MTHFD2L: variants seen among roughly 807,000 people sequenced by gnomAD.
MTHFD2L encodes the protein methylenetetrahydrofolate dehydrogenase (NADP+ dependent) 2 like.
In MTHFD2L, 29 loss-of-function variants were observed where a neutral mutation model predicts 34.9. That is an observed-to-expected ratio of 0.83 (90% CI 0.62 to 1.13). The LOEUF is 1.13. Ranked by LOEUF, MTHFD2L falls within the 50% of genes most tolerant of loss-of-function variation. The pLI, the probability that MTHFD2L is intolerant of heterozygous loss-of-function variation, is 0.00. For missense variants in MTHFD2L, 481 were observed against 446.5 expected (o/e 1.08, Z -0.70); for synonymous variants, 167 against 155.7 (o/e 1.07, Z -0.54).
intron 5 of MTHFD2L, among the ~76,000 whole-genome samples, chr4:74,202,891 C>T (rs1734685448): frequency 6.6e-6 from 1 of 152,094 alleles, no homozygotes; most frequent in African/African-American, 2.4e-5. Context: ...CACATGCATG[C>T]ACACACACAG....
intron 6 of MTHFD2L, among the ~76,000 whole-genome samples, chr4:74,241,368 A>AT (rs1211677729): frequency 6.6e-6 from 1 of 151,966 alleles, no homozygotes; most frequent in Non-Finnish European, 1.5e-5. Flanking sequence ...GTGCAGATCC[A>AT]TTTTTCCCCA....
chr4:74,226,211 A>G (rs1578535391), intron 6 of MTHFD2L, among the ~76,000 whole-genome samples: 1 of 152,128 alleles, frequency 6.6e-6, no homozygotes, highest in African/African-American at 2.4e-5. Context: ...TCCCCTTTCA[A>G]CATTATCAAA....
At chr4:74,281,070 T>C (rs192680760) in intron 6 of MTHFD2L, among the ~76,000 whole-genome samples, 8 of 151,688 alleles carry the variant, frequency 5.3e-5, no homozygotes, top group Non-Finnish European at 1.5e-5. Context: ...TGTGCTCCAC[T>C]CCACCACACC....
chr4:74,169,141 C>T (rs1251636586), intron 1 of MTHFD2L, among the ~76,000 whole-genome samples: 3 of 152,234 alleles, frequency 2.0e-5, no homozygotes, highest in Non-Finnish European at 4.4e-5. Context: ...TAAACACCAG[C>T]TAGCCAGGCT....
At chr4:74,283,293 T>C (rs1019744267) in intron 7 of MTHFD2L, among the ~76,000 whole-genome samples, 1 of 152,184 alleles carries the variant, frequency 6.6e-6, no homozygotes, top group Non-Finnish European at 1.5e-5. Flanking sequence ...GAATGTTTTT[T>C]ACTGAAAGTA....
chr4:74,273,305 G>T (rs1746224385), intron 6 of MTHFD2L, among the ~76,000 whole-genome samples: 1 of 151,964 alleles, frequency 6.6e-6, no homozygotes, highest in Non-Finnish European at 1.5e-5. Context: ...AGAAGAAAGG[G>T]GGAACAAGTC....
chr4:74,132,914 A>C (rs1722657482), intron 1 of MTHFD2L, among the ~76,000 whole-genome samples: 1 of 152,174 alleles, frequency 6.6e-6, no homozygotes, highest in South Asian at 2.1e-4. Context: ...ATTGGATTGC[A>C]CACCACAATT....
chr4:74,190,388 ATTTTTAT>A, intron 3 of MTHFD2L: 1 of 786,476 alleles, frequency 1.3e-6, no homozygotes, highest in Non-Finnish European at 1.5e-6. Flanking sequence ...AACTTCATTA[ATTTTTAT>A]TTTTTATTTT....
chr4:74,271,696 A>C (rs1001748458), intron 6 of MTHFD2L, among the ~76,000 whole-genome samples: 1 of 152,094 alleles, frequency 6.6e-6, no homozygotes, highest in Non-Finnish European at 1.5e-5. Context: ...GTTTTTTCCA[A>C]TTCTGTGAAG....
intron 1 of MTHFD2L, chr4:74,161,476 G>A (rs1428699101): frequency 2.0e-5 from 3 of 152,138 alleles, no homozygotes; most frequent in South Asian, 2.1e-4. Flanking sequence ...TAGCCATCTG[G>A]CTACAATTTT....
At chr4:74,249,166 T>C (rs1742946007) in intron 6 of MTHFD2L, among the ~76,000 whole-genome samples, 1 of 150,616 alleles carries the variant, frequency 6.6e-6, no homozygotes, top group Admixed American at 6.6e-5. Context: ...TGGGTGCTCC[T>C]GTATTGGGTG....
chr4:74,267,598 G>C, intron 6 of MTHFD2L: 3 of 379,882 alleles, frequency 7.9e-6, no homozygotes, highest in Non-Finnish European at 1.1e-5. Context: ...TTGTTTGCTT[G>C]TTTGTTTGTT....
Position 74,175,356 on chromosome 4 carries a change from A to T in MTHFD2L, c.404A>T (p.Asn135Ile), listed in dbSNP as rs768645728. 1.9e-6 allele frequency: 3 copies of T among 1,613,056 alleles called. No individual in the cohort carries two copies. The African/African-American group carries it at 4.0e-5, about 22-fold the overall frequency. The change falls in exon 3 of 8, where the codon AAT becomes ATT. Residue 135 changes from asparagine to isoleucine, a missense_variant. Physicochemically the swap from Asn to Ile is moderately radical, Grantham distance 149 (BLOSUM62 -3). Transcript: ENST00000325278. ...CTTTTGGACGTAACTGATCAATTGAATATGGACCCAAGAGTCAGCGGTATA... is the reference window on the plus strand; with the variant it reads ...CTTTTGGACGTAACTGATCAATTGATTATGGACCCAAGAGTCAGCGGTATA... ...EELLDVTDQL[N>I]MDPRVSGILV...
chr4:74,298,896 G>T (rs1749954367), intron 7 of MTHFD2L, among the ~76,000 whole-genome samples: 1 of 151,840 alleles, frequency 6.6e-6, no homozygotes. Flanking sequence ...TTCAAACCTG[G>T]CTGTGAATAA....
chr4:74,115,693 A>C (rs1007751489), intron 2 of MTHFD2L, among the ~76,000 whole-genome samples: 13 of 152,206 alleles, frequency 8.5e-5, no homozygotes. Flanking sequence ...ATTGCCCTTT[A>C]GTGTGTGTTA....
chr4:74,188,445 C>T (rs1731748799), intron 3 of MTHFD2L, among the ~76,000 whole-genome samples: 1 of 152,148 alleles, frequency 6.6e-6, no homozygotes, highest in East Asian at 1.9e-4. Context: ...CCCTCATGAA[C>T]TCATCTAAAT....
chr4:74,128,409 G>A (rs967567895), intron 1 of MTHFD2L, among the ~76,000 whole-genome samples: 1 of 151,956 alleles, frequency 6.6e-6, no homozygotes, highest in African/African-American at 2.4e-5. Flanking sequence ...CTGAGACATA[G>A]GGGTCTAATT....
At chr4:74,292,721 C>T (rs1191899071) in intron 7 of MTHFD2L, among the ~76,000 whole-genome samples, 1 of 152,146 alleles carries the variant, frequency 6.6e-6, no homozygotes, top group African/African-American at 2.4e-5. Context: ...TATTGTTACT[C>T]CTGCCTACTG....
chr4:74,129,300 A>G (rs1031131874), intron 1 of MTHFD2L, among the ~76,000 whole-genome samples: 1 of 152,250 alleles, frequency 6.6e-6, no homozygotes, highest in East Asian at 1.9e-4. Context: ...CATTCTTCTC[A>G]GCCCCACATC....
Sources: allele counts gnomAD v4.1 joint callset (sites outside exome capture counted in the v4.1 genomes callset), GRCh38; gene constraint gnomAD v4.1.1; transcripts MANE v1.5; gene names NCBI Gene and HGNC (gene_info 2026-07-23, HGNC 2026-07-21).